The following AARS1 variants were observed in gnomAD, a reference collection of about 807,000 sequenced individuals.
The protein encoded by AARS1 is alanine--tRNA ligase, cytoplasmic.
A neutral mutation model predicts 108.9 loss-of-function variants in AARS1; 72 were observed. The observed-to-expected ratio is 0.66, with a 90% CI of 0.55 to 0.80. The LOEUF (loss-of-function observed/expected upper bound fraction) is 0.80. AARS1 is among the 30% of genes least tolerant of loss of function. AARS1 has a pLI of 0.00. For synonymous variants in AARS1, 489 were observed against 465.7 expected (o/e 1.05, Z -0.64); for missense variants, 1,193 against 1,233.2 (o/e 0.97, Z 0.49).
chr16:70,266,208 G>C (rs1416146197), intron 9 of AARS1, among the ~76,000 whole-genome samples: 1 of 151,892 alleles, frequency 6.6e-6, no homozygotes, highest in African/African-American at 2.4e-5. Flanking sequence ...CAGCTACTCG[G>C]GAGGCTGAGG....
chr16:70,252,601 TC>T lies in AARS1; in HGVS notation c.*119del. 8.8e-7 allele frequency: 1 copy of T among 1,136,844 alleles called. No homozygotes were observed. The highest frequency in any genetic ancestry group is 1.3e-6 in the Non-Finnish European group (1 of 768,728). The allele number at this position is 1,136,844 out of a possible 1,614,324, so 70.4% of individuals were successfully genotyped here. ...GACATAGGACTGCTCCCAAGTGTGTTCCAGTTACTGCTGGGTTAGGAGGGGC... is the reference window on the plus strand; with the variant it reads ...GACATAGGACTGCTCCCAAGTGTGTTCAGTTACTGCTGGGTTAGGAGGGGC... On this transcript the variant is annotated 3_prime_UTR_variant, in exon 21 of 21. Transcript: ENST00000261772.
intron 11 of AARS1, among the ~76,000 whole-genome samples, chr16:70,263,785 C>T (rs76379088): frequency 7.2e-5 from 11 of 151,906 alleles, no homozygotes; most frequent in Non-Finnish European, 1.3e-4. Flanking sequence ...TACAGGCATG[C>T]GCCACCACAC....
intron 2 of AARS1, among the ~76,000 whole-genome samples, chr16:70,280,819 A>G (rs1160879694): frequency 6.6e-6 from 1 of 151,956 alleles, no homozygotes. Flanking sequence ...AACCTTTCAA[A>G]TGTCTTTTTC....
intron 4 of AARS1, chr16:70,276,217 AAAATAAAT>A (rs1048026284): frequency 4.8e-6 from 1 of 206,996 alleles, no homozygotes; most frequent in Non-Finnish European, 9.8e-6. Flanking sequence ...CTGTCTCAAA[AAAATAAAT>A]AAATAAATAA....
In AARS1 at chr16:70,271,778, T is replaced by C. The variant is rs74024185; in HGVS notation, c.671+3A>G. On this transcript the variant is annotated splice_donor_region_variant and intron_variant, in intron 5 of 20. Transcript: ENST00000261772. ...AAGGAATGGAGTAGGAACCCAAGGC[T>C]ACCTGTTATACTGGATGAACACAAG... 21,270 of 1,613,802 alleles carry C rather than the reference T, an allele frequency of 0.013. 2,435 individuals carry two copies. In the African/African-American group the frequency reaches 0.25, roughly 19 times the overall value.
At chr16:70,288,369 C>A (rs7202056) in intron 1 of AARS1, among the ~76,000 whole-genome samples, 10,792 of 148,170 alleles carry the variant, frequency 0.073, 1,287 homozygotes, top group African/African-American at 0.25. Context: ...TCGGCCTCCC[C>A]AAGTGCTGGG....
chr16:70,259,182 C>T lies in AARS1; in HGVS notation c.1790G>A (p.Arg597Gln), dbSNP rs777597230. ...DQVWLFIDEP[R>Q]RRPIMSNHTA... is the part of the protein sequence containing the mutation. ...GTGGTTGCTCATGATGGGTCTTCGT[C>T]GGGGCTGGAAAGGGCAGAGGGGCTC... Residue 597 changes from arginine (R) to glutamine (Q), a missense_variant, in exon 14 of 21, where the codon CGA becomes CAA. Transcript: ENST00000261772. The T allele has an allele frequency of 1.1e-5, 17 of 1,613,904 alleles. No homozygotes were observed. Among genetic ancestry groups the T allele is most frequent in the South Asian group, 6.6e-5 (6 of 91,046 alleles).
chr16:70,276,347 G>T, intron 4 of AARS1, 139 bp downstream of exon 4: 2 of 958,654 alleles, frequency 2.1e-6, no homozygotes, highest in Non-Finnish European at 3.3e-6. Context: ...CGATTCTCTA[G>T]CCTCACTCCT....
intron 9 of AARS1, among the ~76,000 whole-genome samples, chr16:70,267,356 G>T (rs1212804087): frequency 6.6e-6 from 1 of 151,896 alleles, no homozygotes; most frequent in South Asian, 2.1e-4. Context: ...TGCAAACAGA[G>T]AAGAATCCTG....
chr16:70,269,827 G>A, intron 6 of AARS1, 64 bp from the exon 7 acceptor site: 2 of 1,595,750 alleles, frequency 1.3e-6, no homozygotes, highest in South Asian at 1.1e-5. Flanking sequence ...CCTTGCCCAA[G>A]GAGGTTCCTG....
intron 8 of AARS1, 83 bp downstream of exon 8, chr16:70,268,188 T>G (rs1489077663): frequency 7.7e-7 from 1 of 1,292,492 alleles, no homozygotes; most frequent in Non-Finnish European, 1.1e-6. Flanking sequence ...AACAAAAAGC[T>G]GCTTAACAGT....
rs1016259412 is a variant in AARS1 at position 70,254,789 on chromosome 16, T to C, written c.2287-55A>G. 13 of 1,234,144 alleles carry C rather than the reference T, an allele frequency of 1.1e-5. No homozygotes were observed. The East Asian group carries it at 2.3e-4, about 22-fold the overall frequency. 76.4% of individuals were successfully genotyped at this position (1,234,144 alleles called of 1,614,324 possible). A position where few individuals can be genotyped will look rare whatever the true frequency, so the allele number is the denominator to read the frequency against. On this transcript the variant is annotated intron_variant, in intron 16 of 20. Coordinates refer to ENST00000261772, the MANE Select transcript of AARS1 (RefSeq NM_001605.3). Reference sequence around the variant, plus strand: ...CAGGAGGTCTGAGTCAGACTCACTATCCTGTGTCTGAGCAGCTGCGGAAGC... The same window carrying C: ...CAGGAGGTCTGAGTCAGACTCACTACCCTGTGTCTGAGCAGCTGCGGAAGC...
intron 9 of AARS1, among the ~76,000 whole-genome samples, chr16:70,266,262 C>T (rs1315944662): frequency 2.7e-5 from 4 of 147,962 alleles, no homozygotes; most frequent in Admixed American, 1.3e-4. Context: ...TGCAGTGAGC[C>T]GAGATAGCGC....
intron 20 of AARS1, 64 bp downstream of exon 20, chr16:70,253,200 TACAC>T (rs1167968275): frequency 8.3e-6 from 11 of 1,318,832 alleles, no homozygotes; most frequent in Non-Finnish European, 1.1e-5. Flanking sequence ...ATGCAGGCTG[TACAC>T]ACACAGGCCT....
Position 70,289,425 on chromosome 16 carries a change from C to G in AARS1, c.-26G>C. 2 of 402,546 alleles carry G rather than the reference C, an allele frequency of 5.0e-6. No homozygotes were observed. The highest frequency in any genetic ancestry group is 5.0e-6 in the Non-Finnish European group (1 of 199,948). The allele number at this position is 402,546 out of a possible 1,614,324, so 24.9% of individuals were successfully genotyped here. ...AGCTCTCCGAGGGCGGCCTACCTCT[C>G]CTAGGGTCGCCGTCCCCAGCTCCTC... is the stretch of plus-strand genomic sequence containing the variant. On this transcript the variant is annotated 5_prime_UTR_variant, in exon 1 of 21. Coordinates refer to ENST00000261772, the MANE Select transcript of AARS1 (RefSeq NM_001605.3).
chr16:70,253,589 C>T (rs1478900200), intron 19 of AARS1, 125 bp downstream of exon 19: 3 of 1,216,114 alleles, frequency 2.5e-6, no homozygotes, highest in Non-Finnish European at 3.6e-6. Context: ...GCTGCTGCTC[C>T]TCCCAATCTC....
chr16:70,256,654 C>G (rs1482614108), intron 15 of AARS1, among the ~76,000 whole-genome samples: 3 of 152,098 alleles, frequency 2.0e-5, no homozygotes, highest in African/African-American at 7.2e-5. Context: ...TATGAGCAAA[C>G]AGGTAATCAG....
Position 70,274,873 on chromosome 16 carries a change from C to A in AARS1, c.479+1613G>T, listed in dbSNP as rs114025877. Among the ~76,000 whole-genome samples, 335 of 151,978 alleles carry A rather than the reference C, an allele frequency of 2.2e-3. 2 individuals carry two copies. The highest frequency in any genetic ancestry group is 7.2e-3 in the African/African-American group (298 of 41,434). On this transcript the variant is annotated intron_variant, in intron 4 of 20. Transcript: ENST00000261772. ...TGAGGGAACTTCCACTTTCTATTTT[C>A]TACATTTCTATAAGGTTTGAATTTT...
In AARS1 at chr16:70,252,687, G is replaced by A. The variant is rs374928473; in HGVS notation, c.*34C>T. The A allele has an allele frequency of 1.1e-5, 18 of 1,610,370 alleles. No individual in the cohort carries two copies. The highest frequency in any genetic ancestry group is 1.4e-5 in the Non-Finnish European group (16 of 1,177,674). ...GCAGATGAAGAGCTCTTGGCTGGAC[G>A]GATGGATCCAGTGGGAGCCTCCTCC... On this transcript the variant is annotated 3_prime_UTR_variant, in exon 21 of 21. Transcript: ENST00000261772.
Sources: allele counts gnomAD v4.1 joint callset (sites outside exome capture counted in the v4.1 genomes callset), GRCh38; gene constraint gnomAD v4.1.1; transcripts MANE v1.5; gene names NCBI Gene and HGNC (gene_info 2026-07-23, HGNC 2026-07-21).